Variants in TOX2 observed in about 807,000 individuals in gnomAD.
TOX2 encodes the protein granulosa cell HMG box 1.
A neutral mutation model predicts 47.4 loss-of-function variants in TOX2; 15 were observed. The ratio of observed to expected loss-of-function variants is 0.32; its 90% CI spans 0.21 to 0.49. TOX2 has a LOEUF of 0.49. TOX2 is among the 20% of genes least tolerant of loss of function. The pLI, the probability that TOX2 is intolerant of heterozygous loss-of-function variation, is 0.99. For synonymous variants in TOX2, 290 were observed against 296.6 expected, an observed-to-expected ratio of 0.98 and a Z score of 0.23; for missense variants, 622 against 673.1, an observed-to-expected ratio of 0.92 and a Z score of 0.84.
intron 1 of TOX2, among the ~76,000 whole-genome samples, chr20:43,952,144 G>A (rs577008688): frequency 6.6e-6 from 1 of 151,996 alleles, no homozygotes; most frequent in East Asian, 1.9e-4. Flanking sequence ...CTCGTGATCT[G>A]CCCGCCTTGG....
At chr20:44,010,992 G>A (rs2070769457) in intron 3 of TOX2, among the ~76,000 whole-genome samples, 1 of 152,112 alleles carries the variant, frequency 6.6e-6, no homozygotes, top group Admixed American at 6.5e-5. Flanking sequence ...CCGGCTCCTG[G>A]GGGTTGCTGG....
At chr20:44,018,091 G>GA (rs2070911155) in intron 3 of TOX2, among the ~76,000 whole-genome samples, 1 of 152,314 alleles carries the variant, frequency 6.6e-6, no homozygotes, top group East Asian at 1.9e-4. Context: ...AGGCTTCCTG[G>GA]AGGGGGTAGC....
chr20:44,051,585 TGTCGGCAGGGAAGGGGTCCTGTG>T (rs771351478), intron 4 of TOX2, 40 bp downstream of exon 4: 2 of 1,530,434 alleles, frequency 1.3e-6, no homozygotes, highest in South Asian at 2.6e-5. Context: ...GCTGCCCTCC[TGTCGGCAGGGAAGGGGTCCTGTG>T]GGGAAATGGG....
At chr20:43,988,508 T>C (rs1405514912) in intron 2 of TOX2, among the ~76,000 whole-genome samples, 1 of 152,234 alleles carries the variant, frequency 6.6e-6, no homozygotes, top group East Asian at 1.9e-4. Context: ...TGCAGTGAAA[T>C]GGAGATAATA....
chr20:44,053,522 C>CATAT (rs757664844), intron 4 of TOX2, among the ~76,000 whole-genome samples: 8 of 144,212 alleles, frequency 5.5e-5, no homozygotes, highest in African/African-American at 2.0e-4. Flanking sequence ...TATATATACA[C>CATAT]ATATATATAC....
chr20:43,931,266 G>A (rs2069249286), intron 1 of TOX2, among the ~76,000 whole-genome samples: 1 of 152,154 alleles, frequency 6.6e-6, no homozygotes, highest in Non-Finnish European at 1.5e-5. Context: ...AGCCTCCTGA[G>A]TAGCTGCGAC....
chr20:43,969,575 TC>T (rs1600694055), intron 1 of TOX2, among the ~76,000 whole-genome samples: 1 of 152,158 alleles, frequency 6.6e-6, no homozygotes. Flanking sequence ...ACCCTCAGTG[TC>T]CCCCAACTAT....
chr20:44,062,606 AAAC>A (rs1301024407), intron 5 of TOX2, among the ~76,000 whole-genome samples: 1 of 152,150 alleles, frequency 6.6e-6, no homozygotes, highest in Non-Finnish European at 1.5e-5. Flanking sequence ...ATTCCCATCA[AAAC>A]ACCACCAACA....
intron 3 of TOX2, among the ~76,000 whole-genome samples, chr20:44,015,515 A>AAAGCT (rs1415943621): frequency 2.0e-5 from 3 of 152,156 alleles, no homozygotes; most frequent in African/African-American, 7.2e-5. Flanking sequence ...CTCGGCTGCA[A>AAAGCT]AAGCTAAGCT....
intron 3 of TOX2, among the ~76,000 whole-genome samples, chr20:44,033,410 G>C (rs1310972865): frequency 6.6e-6 from 1 of 152,134 alleles, no homozygotes; most frequent in Non-Finnish European, 1.5e-5. Flanking sequence ...TGCCCCACCA[G>C]ATGCCCATGT....
intron 3 of TOX2, among the ~76,000 whole-genome samples, chr20:44,046,942 C>A (rs1230878192): frequency 1.3e-5 from 2 of 152,134 alleles, no homozygotes; most frequent in Admixed American, 1.3e-4. Context: ...CTGATCATAT[C>A]CTAAGCTATA....
At chr20:43,933,506 G>T (rs769835795) in intron 1 of TOX2, among the ~76,000 whole-genome samples, 2 of 151,648 alleles carry the variant, frequency 1.3e-5, no homozygotes, top group Non-Finnish European at 3.0e-5. Flanking sequence ...TGCTCAGGGG[G>T]CCATGCTTTG....
intron 2 of TOX2, among the ~76,000 whole-genome samples, chr20:43,978,783 G>GTGTGTGTGTA (rs2070122992): frequency 6.6e-6 from 1 of 151,972 alleles, no homozygotes; most frequent in Admixed American, 6.6e-5. Context: ...GTGTGTGTGT[G>GTGTGTGTGTA]TGTGTGTGTG....
chr20:44,035,366 C>T (rs772529456), intron 3 of TOX2, among the ~76,000 whole-genome samples: 3 of 152,314 alleles, frequency 2.0e-5, no homozygotes, highest in Admixed American at 1.3e-4. Context: ...CGGCTTTGCA[C>T]AGGCTGTTTC....
chr20:43,914,901 C>G lies in TOX2; in HGVS notation c.10C>G (p.Arg4Gly), dbSNP rs2069038465. The G allele has an allele frequency of 9.1e-7, 1 of 1,103,914 alleles. No homozygotes were observed. Among genetic ancestry groups the G allele is most frequent in the African/African-American group, 1.7e-5 (1 of 59,348 alleles). The allele number at this position is 1,103,914 out of a possible 1,614,324, so 68.4% of individuals were successfully genotyped here. Reference sequence around the variant, plus strand: ...CGCCGCCGCGCCCGCCATGGACGTCCGCCTGTACCCCTCGGCGCCCGCGGT... The same window carrying G: ...CGCCGCCGCGCCCGCCATGGACGTCGGCCTGTACCCCTCGGCGCCCGCGGT... MDVRLYPSAPAVGA... is the reference protein window; with the variant it reads MDVGLYPSAPAVGA... Residue 4 changes from arginine (R) to glycine (G), a missense_variant, in exon 1 of 9, where the codon CGC becomes GGC. By Grantham distance (125) the Arg-to-Gly change is moderately radical. Coordinates refer to ENST00000341197, the MANE Select transcript of TOX2 (RefSeq NM_001098797.2). This position sits in a 1 kb window ranked among gnomAD's most constrained non-coding sequence, Gnocchi z 4.5.
At chr20:43,936,665 C>T (rs556944971) in intron 1 of TOX2, among the ~76,000 whole-genome samples, 1 of 152,296 alleles carries the variant, frequency 6.6e-6, no homozygotes, top group Non-Finnish European at 1.5e-5. Context: ...GGCATGTGCA[C>T]CTGGGGCTCC....
chr20:44,058,965 G>A (rs1228747459), intron 5 of TOX2, among the ~76,000 whole-genome samples: 1 of 148,362 alleles, frequency 6.7e-6, no homozygotes, highest in Admixed American at 6.7e-5. Flanking sequence ...ATGACAAAAC[G>A]AGGTTATTTA....
intron 3 of TOX2, among the ~76,000 whole-genome samples, chr20:44,010,797 G>A (rs2070766192): frequency 6.6e-6 from 1 of 152,176 alleles, no homozygotes; most frequent in Non-Finnish European, 1.5e-5. Flanking sequence ...GGTGGCAGAT[G>A]ATTATATTAG....
At chr20:44,061,131 C>T (rs561359730) in intron 5 of TOX2, among the ~76,000 whole-genome samples, 3 of 152,102 alleles carry the variant, frequency 2.0e-5, no homozygotes, top group Admixed American at 6.5e-5. Flanking sequence ...CCTTTATGTA[C>T]ATAAACTAGA....
Sources: allele counts gnomAD v4.1 joint callset (sites outside exome capture counted in the v4.1 genomes callset), GRCh38; gene constraint gnomAD v4.1.1; non-coding constraint Gnocchi (gnomAD v3.1); transcripts MANE v1.5; gene names NCBI Gene and HGNC (gene_info 2026-07-23, HGNC 2026-07-21).